Variants in MS4A4E observed in about 807,000 individuals in gnomAD.
MS4A4E encodes the protein putative membrane-spanning 4-domains subfamily A member 4E.
Under a neutral mutation model 13.3 loss-of-function variants are expected in MS4A4E, and 23 were observed. The ratio of observed to expected loss-of-function variants is 1.73; its 90% CI spans 1.25 to 2.45. MS4A4E has a LOEUF of 2.45. Among genes scored for constraint, MS4A4E ranks in the 30% most tolerant of loss-of-function variants. The probability of loss-of-function intolerance (pLI) is 0.00; values close to 1 mark genes in which losing one functional copy is unlikely to be tolerated. For synonymous variants in MS4A4E, 36 were observed against 45.6 expected, an observed-to-expected ratio of 0.79 and a Z score of 0.85; for missense variants, 144 against 131.2, an observed-to-expected ratio of 1.10 and a Z score of -0.48.
At chr11:60,226,616 C>T (rs1463698570) in intron 3 of MS4A4E, among the ~76,000 whole-genome samples, 2 of 152,078 alleles carry the variant, frequency 1.3e-5, no homozygotes, top group African/African-American at 2.4e-5. Context: ...TTTTGAAAAA[C>T]TATTAATAGA....
At chr11:60,217,278 A>G (rs996692465) in intron 3 of MS4A4E, among the ~76,000 whole-genome samples, 1 of 152,206 alleles carries the variant, frequency 6.6e-6, no homozygotes, top group Non-Finnish European at 1.5e-5. Flanking sequence ...AGGTGCATGC[A>G]TAGACTCACC....
rs373196401 is a variant in MS4A4E at position 60,206,489 on chromosome 11, G to GTATA, written c.484-673_484-670dup. 8.0e-4 allele frequency among the ~76,000 whole-genome samples: 78 copies of GTATA among 97,554 alleles called. 1 individual carries two copies. Among genetic ancestry groups the GTATA allele is most frequent in the South Asian group, 1.2e-3 (3 of 2,504 alleles). 64.0% of individuals were successfully genotyped at this position (97,554 alleles called of 152,430 possible). A position where few individuals can be genotyped will look rare whatever the true frequency, so the allele number is the denominator to read the frequency against. ...CACACACACACATATATATATATATGTATATATATACGTATATATATATAC... is the reference window on the plus strand; with the variant it reads ...CACACACACACATATATATATATATGTATATATATATATACGTATATATATATAC... On this transcript the variant is annotated intron_variant, in intron 6 of 8. Transcript: ENST00000651255.
Position 60,213,027 on chromosome 11 carries a change from A to G in MS4A4E, c.328T>C (p.Cys110Arg). The G allele has an allele frequency of 9.3e-6, 4 of 428,644 alleles. No individual in the cohort carries two copies. Among genetic ancestry groups the G allele is most frequent in the Non-Finnish European group, 1.6e-5 (4 of 243,108 alleles). The allele number at this position is 428,644 out of a possible 1,614,324, so 26.6% of individuals were successfully genotyped here. A position where few individuals can be genotyped will look rare whatever the true frequency, so the allele number is the denominator to read the frequency against. Residue 110 changes from cysteine (C) to arginine (R), a missense_variant, in exon 5 of 9, where the codon TGT becomes CGT. Physicochemically the swap from Cys to Arg is radical, Grantham distance 180 (BLOSUM62 -3). Coordinates refer to ENST00000651255, the MANE Select transcript of MS4A4E (RefSeq NM_001393391.1). The stretch of plus-strand genomic sequence containing the variant: ...TTACTTGACAACTGATCGTGGTTAC[A>G]GTAATGGTAACGGAATGAATAAAAC... ...LTFYSFRYHY[C>R]NHDQLSSNCY...
In MS4A4E at chr11:60,225,865, C is replaced by T. The variant is rs530380067; in HGVS notation, c.178+2729G>A. Among the ~76,000 whole-genome samples the T allele has an allele frequency of 2.7e-5, 4 of 150,788 alleles. No homozygotes were observed. In the South Asian group the frequency reaches 8.4e-4, roughly 31 times the overall value. On this transcript the variant is annotated intron_variant, in intron 3 of 8. Coordinates refer to ENST00000651255, the MANE Select transcript of MS4A4E (RefSeq NM_001393391.1). ...TAGACAAACTCAATGAAATCCAATG[C>T]TTTTTTTTAAAAAAAAGAAAAATAC...
chr11:60,235,688 G>A (rs1012710587), intron 1 of MS4A4E, among the ~76,000 whole-genome samples: 7 of 152,160 alleles, frequency 4.6e-5, no homozygotes, highest in Non-Finnish European at 8.8e-5. Flanking sequence ...ATCAAACTAT[G>A]GGCTTTTTTG....
At chr11:60,241,580 G>C (rs2084552359) in intron 1 of MS4A4E, among the ~76,000 whole-genome samples, 1 of 152,090 alleles carries the variant, frequency 6.6e-6, no homozygotes, top group South Asian at 2.1e-4. Flanking sequence ...CTGGTGCTCT[G>C]TCTTTATAAG....
chr11:60,223,618 A>T (rs182300954), intron 3 of MS4A4E, among the ~76,000 whole-genome samples: 1 of 152,318 alleles, frequency 6.6e-6, no homozygotes, highest in Non-Finnish European at 1.5e-5. Flanking sequence ...GGACTGGGAA[A>T]GGCAGACCCA....
intron 1 of MS4A4E, among the ~76,000 whole-genome samples, chr11:60,235,946 T>C (rs1390046372): frequency 6.6e-6 from 1 of 152,190 alleles, no homozygotes; most frequent in Non-Finnish European, 1.5e-5. Context: ...CTGTTTTGTT[T>C]GGTGTAAGAA....
chr11:60,236,109 C>T (rs1264772376), intron 1 of MS4A4E, among the ~76,000 whole-genome samples: 1 of 152,176 alleles, frequency 6.6e-6, no homozygotes, highest in Non-Finnish European at 1.5e-5. Flanking sequence ...TGATTCTATT[C>T]CATCCCATTT....
intron 1 of MS4A4E, among the ~76,000 whole-genome samples, chr11:60,235,754 G>A (rs2084474858): frequency 6.6e-6 from 1 of 152,144 alleles, no homozygotes; most frequent in African/African-American, 2.4e-5. Context: ...AAATTGGAAG[G>A]TATGTATTAA....
chr11:60,241,692 G>A (rs1021798414), intron 1 of MS4A4E, among the ~76,000 whole-genome samples: 37 of 152,252 alleles, frequency 2.4e-4, no homozygotes, highest in Admixed American at 1.8e-3. Context: ...GAAAGAAAGC[G>A]TGTGTTTACA....
Position 60,236,113 on chromosome 11 carries a change from C to T in MS4A4E, c.-16-6042G>A, listed in dbSNP as rs559576361. On this transcript the variant is annotated intron_variant, in intron 1 of 8. Transcript: ENST00000651255. ...TTATTTCTAGATGATTCTATTCCATCCCATTTTTATTTTTAGACAATTTTA... is the reference window on the plus strand; with the variant it reads ...TTATTTCTAGATGATTCTATTCCATTCCATTTTTATTTTTAGACAATTTTA... Among the ~76,000 whole-genome samples the T allele has an allele frequency of 5.3e-5, 8 of 152,290 alleles. No homozygotes were observed. The South Asian group carries it at 1.5e-3, about 28-fold the overall frequency.
intron 8 of MS4A4E, among the ~76,000 whole-genome samples, chr11:60,202,989 G>A (rs1435700536): frequency 6.6e-6 from 1 of 152,160 alleles, no homozygotes; most frequent in East Asian, 1.9e-4. Context: ...CTTCACTGAA[G>A]TTAATGAAAA....
intron 3 of MS4A4E, among the ~76,000 whole-genome samples, chr11:60,217,482 C>A (rs1253575349): frequency 6.6e-6 from 1 of 152,070 alleles, no homozygotes; most frequent in Non-Finnish European, 1.5e-5. Context: ...ACCCACACTG[C>A]CATCAGCCTT....
intron 3 of MS4A4E, chr11:60,224,947 A>T (rs1378877697): frequency 6.7e-7 from 1 of 1,489,552 alleles, no homozygotes; most frequent in South Asian, 1.3e-5. Context: ...CAATTATATC[A>T]AAAAATACCC....
At chr11:60,230,932 T>C (rs188274872) in intron 1 of MS4A4E, among the ~76,000 whole-genome samples, 1 of 152,018 alleles carries the variant, frequency 6.6e-6, no homozygotes, top group East Asian at 1.9e-4. Flanking sequence ...GGAGCATATA[T>C]GCTAAAAACT....
chr11:60,226,217 G>C (rs967162583), intron 3 of MS4A4E, among the ~76,000 whole-genome samples: 1 of 151,700 alleles, frequency 6.6e-6, no homozygotes, highest in African/African-American at 2.4e-5. Flanking sequence ...CCAAACACTT[G>C]AAAATGAAAT....
rs1051503223 is a variant in MS4A4E at position 60,205,699 on chromosome 11, G to T, written c.590+15C>A. Among the ~76,000 whole-genome samples the T allele has an allele frequency of 1.3e-5, 2 of 152,140 alleles. No homozygotes were observed. Among genetic ancestry groups the T allele is most frequent in the African/African-American group, 4.8e-5 (2 of 41,434 alleles). On this transcript the variant is annotated intron_variant, in intron 7 of 8. Transcript: ENST00000651255. ...AAACCCAGGGTTGTCTGATTAGAAA[G>T]TCCACATTATTTACCACCATACAGT...
intron 1 of MS4A4E, 83 bp downstream of exon 1, chr11:60,242,875 A>G: frequency 3.9e-6 from 4 of 1,033,326 alleles, no homozygotes; most frequent in Non-Finnish European, 5.6e-6. Flanking sequence ...TTTTTTTCTC[A>G]CTCCACTCCC....
Sources: allele counts gnomAD v4.1 joint callset (sites outside exome capture counted in the v4.1 genomes callset), GRCh38; gene constraint gnomAD v4.1.1; transcripts MANE v1.5; gene names NCBI Gene and HGNC (gene_info 2026-07-23, HGNC 2026-07-21).